The following ARHGEF12 variants were observed in gnomAD, a reference collection of about 807,000 sequenced individuals.
The protein encoded by ARHGEF12 is KMT2A/ARHGEF12 fusion protein.
ARHGEF12 carries 66 observed loss-of-function variants against 211.2 expected under a neutral mutation model. The observed-to-expected ratio is 0.31, with a 90% CI of 0.26 to 0.38. The LOEUF is 0.38. Among genes scored for constraint, ARHGEF12 ranks in the 10% least tolerant of loss-of-function variants. ARHGEF12 has a pLI of 1.00. For synonymous variants in ARHGEF12, 592 were observed against 638.4 expected, an observed-to-expected ratio of 0.93 and a Z score of 1.09; for missense variants, 1,429 against 1,869.5, an observed-to-expected ratio of 0.76 and a Z score of 4.34.
chr11:120,484,797 G>T (rs1035015311), intron 40 of ARHGEF12, among the ~76,000 whole-genome samples: 1 of 152,168 alleles, frequency 6.6e-6, no homozygotes, highest in African/African-American at 2.4e-5. Flanking sequence ...CACAGATTCG[G>T]TGTGAGGCTT....
intron 1 of ARHGEF12, among the ~76,000 whole-genome samples, chr11:120,386,907 G>A (rs369239605): frequency 9.0e-4 from 137 of 152,196 alleles, no homozygotes; most frequent in African/African-American, 3.0e-3. Context: ...GCCTGGGTCA[G>A]TCAGACTCTA....
chr11:120,392,171 A>G (rs1056889185), intron 1 of ARHGEF12, among the ~76,000 whole-genome samples: 1 of 152,098 alleles, frequency 6.6e-6, no homozygotes, highest in Non-Finnish European at 1.5e-5. Flanking sequence ...GTATTTCTCA[A>G]ATACATTAAT....
Position 120,447,193 on chromosome 11 carries a change from G to A in ARHGEF12, c.1589+108G>A. 3 of 1,269,658 alleles carry A rather than the reference G, an allele frequency of 2.4e-6. No individual in the cohort carries two copies. In the South Asian group the frequency reaches 6.8e-5, roughly 29 times the overall value. 78.6% of individuals were successfully genotyped at this position (1,269,658 alleles called of 1,614,324 possible). A position where few individuals can be genotyped will look rare whatever the true frequency, so the allele number is the denominator to read the frequency against. ...AAAACTGTCAGATTGTGTATGTGGAGCCGTTTATTTTGTCATAGTACTTGA... is the reference window on the plus strand; with the variant it reads ...AAAACTGTCAGATTGTGTATGTGGAACCGTTTATTTTGTCATAGTACTTGA... On this transcript the variant is annotated intron_variant, in intron 18 of 40. Coordinates refer to ENST00000397843, the MANE Select transcript of ARHGEF12 (RefSeq NM_015313.3).
chr11:120,474,431 A>G (rs771966207), intron 31 of ARHGEF12, 129 bp from the exon 32 acceptor site: 22 of 597,250 alleles, frequency 3.7e-5, no homozygotes, highest in Non-Finnish European at 3.6e-5. Context: ...ACAAATAGCA[A>G]TAATGATAGT....
rs777120176 is a variant in ARHGEF12 at position 120,483,258 on chromosome 11, C to CTTTT, written c.4555-1161_4555-1158dup. ...GTTTCTACATGTGCTCCATAATAAT[C>CTTTT]TTTTTTTTTTTTTTTTTTTTTTGAG... On this transcript the variant is annotated intron_variant, in intron 39 of 40. Coordinates refer to ENST00000397843, the MANE Select transcript of ARHGEF12 (RefSeq NM_015313.3). 8.6e-4 allele frequency among the ~76,000 whole-genome samples: 84 copies of CTTTT among 97,488 alleles called. 2 individuals carry two copies. Among genetic ancestry groups the CTTTT allele is most frequent in the African/African-American group, 1.1e-3 (27 of 25,074 alleles). The allele number at this position is 97,488 out of a possible 152,430, so 64.0% of individuals were successfully genotyped here.
At chr11:120,388,854 AT>A (rs1046496161) in intron 1 of ARHGEF12, among the ~76,000 whole-genome samples, 14 of 148,646 alleles carry the variant, frequency 9.4e-5, no homozygotes, top group South Asian at 2.1e-4. Context: ...AAGTGCTTTT[AT>A]TTTTTTTTTA....
chr11:120,451,931 G>A (rs747662241), intron 22 of ARHGEF12, among the ~76,000 whole-genome samples: 2 of 152,168 alleles, frequency 1.3e-5, no homozygotes, highest in African/African-American at 4.8e-5. Flanking sequence ...TAAGCTCTCT[G>A]TCAGGCATTA....
At chr11:120,341,557 G>A (rs150726933) in intron 1 of ARHGEF12, among the ~76,000 whole-genome samples, 7 of 152,198 alleles carry the variant, frequency 4.6e-5, no homozygotes, top group African/African-American at 1.7e-4. Context: ...ATGTCATCCA[G>A]TGGTGGGTAT....
intron 4 of ARHGEF12, 112 bp from the exon 5 acceptor site, chr11:120,420,641 G>T: frequency 1.2e-6 from 1 of 804,082 alleles, no homozygotes. Context: ...ATTTACATGT[G>T]CTACTTTTTG....
intron 1 of ARHGEF12, among the ~76,000 whole-genome samples, chr11:120,401,378 A>G (rs1185980849): frequency 6.6e-6 from 1 of 152,234 alleles, no homozygotes; most frequent in Non-Finnish European, 1.5e-5. Context: ...CTAAATCCCT[A>G]TACTTAAGAG....
chr11:120,477,741 C>T (rs1292375191), intron 36 of ARHGEF12: 1 of 445,342 alleles, frequency 2.2e-6, no homozygotes, highest in South Asian at 4.7e-5. Flanking sequence ...TGGTAGGTGC[C>T]TGTAATCCCA....
Position 120,439,980 on chromosome 11 carries a change from A to G in ARHGEF12, c.1000-149A>G, listed in dbSNP as rs1945822103. The G allele has an allele frequency of 4.9e-6, 3 of 617,936 alleles. No homozygotes were observed. The South Asian group carries it at 6.7e-5, about 14-fold the overall frequency. The allele number at this position is 617,936 out of a possible 1,614,324, so 38.3% of individuals were successfully genotyped here. On this transcript the variant is annotated intron_variant, in intron 12 of 40. Coordinates refer to ENST00000397843, the MANE Select transcript of ARHGEF12 (RefSeq NM_015313.3). Reference sequence around the variant, plus strand: ...TGGCCTTGAAAATTTGTGAACCCCTACTTTGAAAATAAAGTACTTCAAAGG... The same window carrying G: ...TGGCCTTGAAAATTTGTGAACCCCTGCTTTGAAAATAAAGTACTTCAAAGG...
chr11:120,360,686 C>G (rs905842039), intron 1 of ARHGEF12, among the ~76,000 whole-genome samples: 1 of 152,184 alleles, frequency 6.6e-6, no homozygotes, highest in South Asian at 2.1e-4. Flanking sequence ...AGCCACCATG[C>G]CTGGCCAGTA....
intron 30 of ARHGEF12, among the ~76,000 whole-genome samples, chr11:120,469,728 G>T (rs752754091): frequency 2.6e-5 from 4 of 152,186 alleles, no homozygotes; most frequent in Non-Finnish European, 5.9e-5. Context: ...TTGCTAGGAG[G>T]ATAGAAAGGC....
At chr11:120,484,047 G>T (rs1591652001) in intron 39 of ARHGEF12, among the ~76,000 whole-genome samples, 2 of 152,180 alleles carry the variant, frequency 1.3e-5, no homozygotes, top group East Asian at 3.8e-4. Flanking sequence ...GAGCCACCAT[G>T]CCCCACCCAT....
intron 19 of ARHGEF12, 34 bp downstream of exon 19, chr11:120,447,940 A>G: frequency 6.8e-7 from 1 of 1,467,666 alleles, no homozygotes; most frequent in Non-Finnish European, 9.2e-7. Context: ...CTAGAATTTT[A>G]AGAAAAAAAG....
Position 120,337,130 on chromosome 11 carries a change from G to A in ARHGEF12, c.-114G>A. The A allele has an allele frequency of 1.1e-5, 14 of 1,304,404 alleles. No individual in the cohort carries two copies. The South Asian group carries it at 1.7e-4, about 16-fold the overall frequency. The allele number at this position is 1,304,404 out of a possible 1,614,324, so 80.8% of individuals were successfully genotyped here. On this transcript the variant is annotated 5_prime_UTR_variant, in exon 1 of 41. Transcript: ENST00000397843. ...GATGACTGAATGGAGTTTTGAGTTG[G>A]ACTTTTGTGTCCCTGACGGAGTTGG...
intron 1 of ARHGEF12, among the ~76,000 whole-genome samples, chr11:120,341,326 G>GGCCTCCCAAAGTGCCA (rs1202404250): frequency 7.2e-5 from 11 of 152,092 alleles, no homozygotes; most frequent in African/African-American, 2.4e-4. Context: ...CCAAAGTGCC[G>GGCCTCCCAAAGTGCCA]GGATTACAGG....
chr11:120,395,546 C>A (rs190708206), intron 1 of ARHGEF12, among the ~76,000 whole-genome samples: 1 of 152,092 alleles, frequency 6.6e-6, no homozygotes, highest in African/African-American at 2.4e-5. Context: ...AAGACATATC[C>A]GAGACTGGGT....
Sources: gnomAD v4.1 joint callset for allele counts (sites outside exome capture counted in the v4.1 genomes callset) on GRCh38, gnomAD v4.1.1 for gene constraint, MANE v1.5 for transcripts, NCBI Gene and HGNC (gene_info 2026-07-23, HGNC 2026-07-21) for gene names.